The following SGCZ variants were observed in gnomAD, a reference collection of about 807,000 sequenced individuals.
SGCZ encodes sarcoglycan zeta.
In SGCZ, 40 loss-of-function variants were observed where a neutral mutation model predicts 41.3. That is an observed-to-expected ratio of 0.97 (90% CI 0.75 to 1.26). The LOEUF (loss-of-function observed/expected upper bound fraction) is 1.26, where lower values mean the gene tolerates loss of function less well. SGCZ is among the 50% of genes most tolerant of loss of function. SGCZ has a pLI of 0.00. For missense variants in SGCZ, 552 were observed against 369.8 expected, an observed-to-expected ratio of 1.49 and a Z score of -4.04; for synonymous variants, 206 against 137.5, an observed-to-expected ratio of 1.50 and a Z score of -3.49.
intron 1 of SGCZ, among the ~76,000 whole-genome samples, chr8:15,213,437 A>G (rs1801301579): frequency 6.6e-6 from 1 of 151,706 alleles, no homozygotes; most frequent in South Asian, 2.1e-4. Flanking sequence ...AAAAAGCCAA[A>G]TAAAAAAGAT....
intron 5 of SGCZ, among the ~76,000 whole-genome samples, chr8:14,118,190 A>G (rs1295175134): frequency 6.6e-6 from 1 of 151,940 alleles, no homozygotes; most frequent in East Asian, 1.9e-4. Context: ...ACTAATTTGC[A>G]CTCCTACCAA....
chr8:14,462,903 T>C (rs1037877989), intron 2 of SGCZ, among the ~76,000 whole-genome samples: 4 of 151,780 alleles, frequency 2.6e-5, no homozygotes, highest in Admixed American at 6.6e-5. Flanking sequence ...ATTGTACAAA[T>C]GTATCACCTC....
chr8:14,469,769 T>C (rs1367786109), intron 2 of SGCZ, among the ~76,000 whole-genome samples: 1 of 152,028 alleles, frequency 6.6e-6, no homozygotes, highest in Non-Finnish European at 1.5e-5. Flanking sequence ...CGTGTCTACA[T>C]AATAAAGCCC....
At chr8:14,982,711 C>T (rs1801708223) in intron 1 of SGCZ, among the ~76,000 whole-genome samples, 1 of 152,116 alleles carries the variant, frequency 6.6e-6, no homozygotes, top group African/African-American at 2.4e-5. Context: ...TCACCTTTTC[C>T]ATTGCTATAG....
chr8:15,067,230 T>A (rs1805185645), intron 1 of SGCZ, among the ~76,000 whole-genome samples: 1 of 152,068 alleles, frequency 6.6e-6, no homozygotes, highest in Non-Finnish European at 1.5e-5. Flanking sequence ...GCCTACACAC[T>A]CCACCAACCC....
At position 14,699,157 on chromosome 8, in the gene SGCZ, G is replaced by T. The variant is rs774544192; in HGVS notation, c.40-144231C>A. On this transcript the variant is annotated intron_variant, in intron 1 of 7. Coordinates refer to ENST00000382080, the MANE Select transcript of SGCZ (RefSeq NM_139167.4). ...AACAGTGTTGAATAGTAACAACAGA[G>T]GGTATATAAATATGTATATACACAC... Among the ~76,000 whole-genome samples the T allele has an allele frequency of 4.1e-4, 61 of 150,572 alleles. 1 individual carries two copies. The highest frequency in any genetic ancestry group is 5.9e-5 in the Non-Finnish European group (4 of 67,556).
intron 1 of SGCZ, among the ~76,000 whole-genome samples, chr8:15,208,579 A>G (rs1397221797): frequency 2.0e-5 from 3 of 152,218 alleles, no homozygotes; most frequent in Admixed American, 2.0e-4. Context: ...TGCACTGTGA[A>G]TGATAATTAT....
intron 1 of SGCZ, among the ~76,000 whole-genome samples, chr8:14,888,758 A>G (rs927421040): frequency 2.5e-4 from 38 of 152,294 alleles, no homozygotes; most frequent in Middle Eastern, 3.4e-3. Flanking sequence ...CTGCTACTGA[A>G]ACACATTGTC....
chr8:14,657,378 G>A (rs1266248300), intron 1 of SGCZ, among the ~76,000 whole-genome samples: 1 of 151,978 alleles, frequency 6.6e-6, no homozygotes, highest in African/African-American at 2.4e-5. Flanking sequence ...AACTATATAT[G>A]CATCAATACG....
intron 1 of SGCZ, among the ~76,000 whole-genome samples, chr8:15,082,228 C>CA (rs964013909): frequency 9.5e-5 from 14 of 147,370 alleles, no homozygotes; most frequent in South Asian, 2.1e-4. Flanking sequence ...GACTCTGTCT[C>CA]AAAAAAAAAT....
intron 1 of SGCZ, among the ~76,000 whole-genome samples, chr8:15,006,731 C>G (rs534628612): frequency 6.6e-6 from 1 of 152,070 alleles, no homozygotes; most frequent in African/African-American, 2.4e-5. Flanking sequence ...AAAATCTTGA[C>G]GAGATTACAT....
At chr8:14,136,979 G>A (rs751907662) in intron 5 of SGCZ, among the ~76,000 whole-genome samples, 91 of 152,158 alleles carry the variant, frequency 6.0e-4, no homozygotes, top group Admixed American at 2.1e-3. Flanking sequence ...AACATTTGTC[G>A]TTCTGCAATA....
intron 2 of SGCZ, among the ~76,000 whole-genome samples, chr8:14,521,758 A>T (rs1248719630): frequency 6.6e-6 from 1 of 152,078 alleles, no homozygotes; most frequent in Non-Finnish European, 1.5e-5. Flanking sequence ...TCCATTTTAC[A>T]TTGCCACCAA....
At chr8:14,977,898 CACACACACACACATATAT>C (rs1801532170) in intron 1 of SGCZ, among the ~76,000 whole-genome samples, 1 of 151,066 alleles carries the variant, frequency 6.6e-6, no homozygotes, top group East Asian at 1.9e-4. Flanking sequence ...CACACACACA[CACACACACACACATATAT>C]ACACACACAT....
intron 1 of SGCZ, among the ~76,000 whole-genome samples, chr8:14,765,963 T>C (rs1348353652): frequency 1.4e-5 from 2 of 139,496 alleles, no homozygotes; most frequent in East Asian, 4.2e-4. Context: ...TTGCATATGA[T>C]AGTCTTTTTT....
intron 1 of SGCZ, among the ~76,000 whole-genome samples, chr8:15,033,130 C>G (rs1372427247): frequency 1.3e-5 from 2 of 152,030 alleles, no homozygotes; most frequent in African/African-American, 4.8e-5. Context: ...TTAAGAGTCC[C>G]AGGGTCCAGG....
At chr8:15,027,435 C>T (rs543697112) in intron 1 of SGCZ, among the ~76,000 whole-genome samples, 1 of 152,022 alleles carries the variant, frequency 6.6e-6, no homozygotes, top group Non-Finnish European at 1.5e-5. Context: ...TATACCATAT[C>T]CATGACACTA....
At chr8:14,874,793 T>G (rs1042841843) in intron 1 of SGCZ, among the ~76,000 whole-genome samples, 2 of 152,178 alleles carry the variant, frequency 1.3e-5, no homozygotes, top group Non-Finnish European at 2.9e-5. Flanking sequence ...GATGAAATTA[T>G]AACATGGCTC....
At chr8:14,729,628 G>C (rs991667909) in intron 1 of SGCZ, among the ~76,000 whole-genome samples, 1 of 148,092 alleles carries the variant, frequency 6.8e-6, no homozygotes, top group Non-Finnish European at 1.5e-5. Flanking sequence ...TGCACTTACA[G>C]CATCCAGAGC....
Sources: gnomAD v4.1 joint callset for allele counts (sites outside exome capture counted in the v4.1 genomes callset) on GRCh38, gnomAD v4.1.1 for gene constraint, MANE v1.5 for transcripts, NCBI Gene and HGNC (gene_info 2026-07-23, HGNC 2026-07-21) for gene names.